IMMP2L: variants seen among roughly 807,000 people sequenced by gnomAD.
IMMP2L encodes the protein inner mitochondrial membrane peptidase subunit 2.
Under a neutral mutation model 19.3 loss-of-function variants are expected in IMMP2L, and 18 were observed. That is an observed-to-expected ratio of 0.93 (90% CI 0.64 to 1.38). The LOEUF is 1.38. Ranked by LOEUF, IMMP2L falls within the 40% of genes most tolerant of loss-of-function variation. The pLI is 0.00. For missense variants in IMMP2L, 233 were observed against 218.2 expected (o/e 1.07, Z -0.43); for synonymous variants, 76 against 73.0 (o/e 1.04, Z -0.21).
Position 111,221,183 on chromosome 7 carries a change from C to T in IMMP2L, c.240-257618G>A, listed in dbSNP as rs537717405. ...AGTAATGTAGAGTATCTCTTAAGAG[C>T]TTACAGCATATATCACAAACTAAAA... On this transcript the variant is annotated intron_variant, in intron 3 of 5. Coordinates refer to ENST00000405709, the MANE Select transcript of IMMP2L (RefSeq NM_032549.4). Among the ~76,000 whole-genome samples, 38 of 152,088 alleles carry T rather than the reference C, an allele frequency of 2.5e-4. 2 individuals carry two copies. Among genetic ancestry groups the T allele is most frequent in the African/African-American group, 8.4e-4 (35 of 41,504 alleles).
At chr7:110,665,250 A>C (rs1439732536) in intron 5 of IMMP2L, among the ~76,000 whole-genome samples, 3 of 152,168 alleles carry the variant, frequency 2.0e-5, no homozygotes, top group Non-Finnish European at 4.4e-5. Context: ...ATTTTGCTGC[A>C]TTCATTTTTT....
intron 2 of IMMP2L, among the ~76,000 whole-genome samples, chr7:111,512,114 A>T (rs1443149636): frequency 6.6e-6 from 1 of 152,218 alleles, no homozygotes; most frequent in East Asian, 1.9e-4. Context: ...CGATAATGAA[A>T]ACATCAAAAC....
intron 2 of IMMP2L, among the ~76,000 whole-genome samples, chr7:111,497,170 T>C (rs1843674756): frequency 6.6e-6 from 1 of 152,114 alleles, no homozygotes; most frequent in Non-Finnish European, 1.5e-5. Context: ...GCTCACATAC[T>C]ACCTGTAGGA....
intron 3 of IMMP2L, among the ~76,000 whole-genome samples, chr7:111,156,936 C>T (rs952590563): frequency 4.0e-5 from 6 of 151,788 alleles, no homozygotes; most frequent in Non-Finnish European, 8.8e-5. Flanking sequence ...GATGAGAAGA[C>T]GTGATTTTCA....
At chr7:111,106,196 A>G (rs1325694905) in intron 3 of IMMP2L, among the ~76,000 whole-genome samples, 1 of 151,884 alleles carries the variant, frequency 6.6e-6, no homozygotes, top group Non-Finnish European at 1.5e-5. Flanking sequence ...TCCTTTACCT[A>G]CTTACTTCTC....
At chr7:110,720,687 T>G (rs1457844857) in intron 5 of IMMP2L, among the ~76,000 whole-genome samples, 1 of 152,222 alleles carries the variant, frequency 6.6e-6, no homozygotes, top group Non-Finnish European at 1.5e-5. Flanking sequence ...TTATATTAGC[T>G]GTCTCTATTC....
At chr7:110,798,383 G>A (rs982636462) in intron 5 of IMMP2L, among the ~76,000 whole-genome samples, 4 of 151,924 alleles carry the variant, frequency 2.6e-5, no homozygotes, top group Non-Finnish European at 5.9e-5. Context: ...CAGAAGGGAA[G>A]CTTTTTGAAG....
chr7:111,526,867 T>C (rs1455519476), intron 1 of IMMP2L, among the ~76,000 whole-genome samples: 1 of 152,180 alleles, frequency 6.6e-6, no homozygotes, highest in Non-Finnish European at 1.5e-5. Context: ...AACGGAATGC[T>C]TCCAAATATG....
intron 3 of IMMP2L, among the ~76,000 whole-genome samples, chr7:111,001,569 T>C (rs1390280063): frequency 6.6e-6 from 1 of 152,184 alleles, no homozygotes; most frequent in Non-Finnish European, 1.5e-5. Context: ...ATGAATATTA[T>C]GAAATTTGGA....
At chr7:111,093,777 T>C (rs1490778219) in intron 3 of IMMP2L, among the ~76,000 whole-genome samples, 1 of 152,148 alleles carries the variant, frequency 6.6e-6, no homozygotes, top group Non-Finnish European at 1.5e-5. Context: ...TGATGGACAT[T>C]TGTGTATGAC....
chr7:110,690,842 C>T (rs1465278451), intron 5 of IMMP2L, among the ~76,000 whole-genome samples: 2 of 152,000 alleles, frequency 1.3e-5, no homozygotes, highest in Admixed American at 6.6e-5. Context: ...AATGGAAATA[C>T]ATTTCATGCT....
chr7:111,013,347 G>A (rs1825176215), intron 3 of IMMP2L, among the ~76,000 whole-genome samples: 1 of 152,136 alleles, frequency 6.6e-6, no homozygotes, highest in African/African-American at 2.4e-5. Context: ...GCTGGCCAAT[G>A]AAAAGGCTTC....
Position 110,662,693 on chromosome 7 carries a change from G to A in IMMP2L, c.*909C>T, listed in dbSNP as rs1298315933. 6.6e-6 allele frequency among the ~76,000 whole-genome samples: 1 copy of A among 152,206 alleles called. No homozygotes were observed. Among genetic ancestry groups the A allele is most frequent in the East Asian group, 1.9e-4 (1 of 5,204 alleles). On this transcript the variant is annotated 3_prime_UTR_variant, in exon 6 of 6. Transcript: ENST00000405709. ...TATCCATACAAATTACAGACTCTATGATTCTACTGTAACTTTGCAATTGGT... is the reference window on the plus strand; with the variant it reads ...TATCCATACAAATTACAGACTCTATAATTCTACTGTAACTTTGCAATTGGT...
chr7:111,118,254 A>C (rs1387703966), intron 3 of IMMP2L, among the ~76,000 whole-genome samples: 2 of 152,186 alleles, frequency 1.3e-5, no homozygotes, highest in East Asian at 1.9e-4. Flanking sequence ...ATGCCTGCCA[A>C]AAAGTAGGTG....
chr7:111,077,820 C>T (rs573755017), intron 3 of IMMP2L, among the ~76,000 whole-genome samples: 22 of 152,328 alleles, frequency 1.4e-4, no homozygotes, highest in Non-Finnish European at 2.8e-4. Context: ...CCTAACACTT[C>T]CTCTTTGTTC....
intron 4 of IMMP2L, among the ~76,000 whole-genome samples, chr7:110,895,828 T>C (rs1255399809): frequency 6.6e-6 from 1 of 152,210 alleles, no homozygotes; most frequent in Non-Finnish European, 1.5e-5. Context: ...TTTTTCATTG[T>C]ACTACATAGG....
chr7:111,530,276 T>C (rs1387819866), intron 1 of IMMP2L, among the ~76,000 whole-genome samples: 1 of 152,168 alleles, frequency 6.6e-6, no homozygotes, highest in African/African-American at 2.4e-5. Flanking sequence ...GATCATCAAA[T>C]AAAGGATATT....
At chr7:110,830,283 C>G (rs755734071) in intron 5 of IMMP2L, among the ~76,000 whole-genome samples, 3 of 152,140 alleles carry the variant, frequency 2.0e-5, no homozygotes, top group Non-Finnish European at 4.4e-5. Context: ...GAGGCTCCTT[C>G]ACTTTCCTGT....
intron 3 of IMMP2L, among the ~76,000 whole-genome samples, chr7:111,447,003 G>A (rs890375107): frequency 6.8e-6 from 1 of 146,934 alleles, no homozygotes. Flanking sequence ...GGGAAGTTTA[G>A]AGAAAAAAGA....
Sources: gnomAD v4.1 joint callset for allele counts (sites outside exome capture counted in the v4.1 genomes callset) on GRCh38, gnomAD v4.1.1 for gene constraint, MANE v1.5 for transcripts, NCBI Gene and HGNC (gene_info 2026-07-23, HGNC 2026-07-21) for gene names.